TAF1C: variants seen among roughly 807,000 people sequenced by gnomAD.
The protein encoded by TAF1C is TATA-box binding protein associated factor, RNA polymerase I subunit C, also known as TATA box-binding protein-associated factor RNA polymerase I subunit C.
Under a neutral mutation model 70.5 loss-of-function variants are expected in TAF1C, and 79 were observed. The ratio of observed to expected loss-of-function variants is 1.12; its 90% CI spans 0.93 to 1.35. The LOEUF (loss-of-function observed/expected upper bound fraction) is 1.35. Ranked by LOEUF, TAF1C falls within the 40% of genes most tolerant of loss-of-function variation. The pLI, the probability that TAF1C is intolerant of heterozygous loss-of-function variation, is 0.00. For synonymous variants in TAF1C, 614 were observed against 491.1 expected, an observed-to-expected ratio of 1.25 and a Z score of -3.31; for missense variants, 1,412 against 1,127.8, an observed-to-expected ratio of 1.25 and a Z score of -3.61.
intron 1 of TAF1C, among the ~76,000 whole-genome samples, chr16:84,186,656 C>T (rs529445872): frequency 6.6e-6 from 1 of 152,360 alleles, no homozygotes; most frequent in Admixed American, 6.5e-5. Context: ...CCACAAAAGC[C>T]CTCAGACAAG....
At position 84,183,284 on chromosome 16, in the gene TAF1C, C is replaced by T; in HGVS notation, c.368G>A (p.Gly123Glu). The change falls in exon 5 of 15, where the codon GGG becomes GAG. Residue 123 changes from glycine (G) to glutamate (E), a missense_variant. Physicochemically the swap from Gly to Glu is moderately conservative, Grantham distance 98. Transcript: ENST00000566732. ...CTTGAAATTCTCCAGCATCAGCTTCCCCAGGGGCGCAAAGGCTACGTCTCC... is the reference window on the plus strand; with the variant it reads ...CTTGAAATTCTCCAGCATCAGCTTCTCCAGGGGCGCAAAGGCTACGTCTCC... ...DHGDVAFAPL[G>E]KLMLENFKLE... 1 of 1,614,008 alleles carries T rather than the reference C, an allele frequency of 6.2e-7. No individual in the cohort carries two copies. Among genetic ancestry groups the T allele is most frequent in the African/African-American group, 1.3e-5 (1 of 75,044 alleles).
rs1332373590 is a variant in TAF1C, at chr16:84,180,346, T to C, written c.1309-2A>G. On this transcript the variant is annotated splice_acceptor_variant, in intron 12 of 14. Coordinates refer to ENST00000566732, the MANE Select transcript of TAF1C (RefSeq NM_001243156.2). LOFTEE classifies it high-confidence loss of function. ...CTCGTCCACTAGGTAGAGAGAGAAC[T>C]GGGGCCCGAGAAGGAAGGGGGATGT... The C allele has an allele frequency of 2.5e-5, 39 of 1,538,632 alleles. No homozygotes were observed. Among genetic ancestry groups the C allele is most frequent in the Non-Finnish European group, 3.2e-5 (37 of 1,145,536 alleles).
intron 1 of TAF1C, 91 bp downstream of exon 1, chr16:84,186,810 G>A (rs1419169447): frequency 2.0e-5 from 3 of 152,284 alleles, no homozygotes; most frequent in Non-Finnish European, 4.4e-5. Flanking sequence ...GCGGGGACTG[G>A]GGATTGGGGG....
rs1429746826 is a variant in TAF1C, at chr16:84,180,264, C to T, written c.1389G>A (p.Leu463=). ...KWNHGLPSPL[L]LARLLPPPRP... Reference sequence around the variant, plus strand: ...GGGGCGGAGGCAGCAGTCGGGCCAGCAGGAGCGGGGAGGGGAGGCCATGGT... The same window carrying T: ...GGGGCGGAGGCAGCAGTCGGGCCAGTAGGAGCGGGGAGGGGAGGCCATGGT... Residue 463 remains leucine (L), a synonymous_variant, in exon 13 of 15, where the codon CTG becomes CTA. Coordinates refer to ENST00000566732, the MANE Select transcript of TAF1C (RefSeq NM_001243156.2). 5 of 1,546,956 alleles carry T rather than the reference C, an allele frequency of 3.2e-6. No homozygotes were observed. Among genetic ancestry groups the T allele is most frequent in the East Asian group, 2.4e-5 (1 of 41,176 alleles).
In TAF1C at chr16:84,179,372, C is replaced by G; in HGVS notation, c.2101G>C (p.Gly701Arg). The G allele has an allele frequency of 6.3e-7, 1 of 1,599,752 alleles. No homozygotes were observed. The highest frequency in any genetic ancestry group is 8.5e-7 in the Non-Finnish European group (1 of 1,178,596). Residue 701 changes from glycine to arginine, a missense_variant, in exon 15 of 15, where the codon GGC becomes CGC. Transcript: ENST00000566732. ...LSERLGEAWAGRGAAWWERQQ... is the reference protein window; with the variant it reads ...LSERLGEAWARRGAAWWERQQ... ...CTCTCCCACCAGGCAGCCCCTCGGC[C>G]TGCCCAGGCTTCCCCCAGGCGCTCA...
chr16:84,180,763 C>T, intron 12 of TAF1C: 1 of 1,310,972 alleles, frequency 7.6e-7, no homozygotes, highest in Non-Finnish European at 9.8e-7. Flanking sequence ...AACTCTCCAG[C>T]TCTGCACGGA....
Position 84,182,031 on chromosome 16 carries a change from C to T in TAF1C, c.749G>A (p.Gly250Asp). 1 of 1,613,468 alleles carries T rather than the reference C, an allele frequency of 6.2e-7. No individual in the cohort carries two copies. Among genetic ancestry groups the T allele is most frequent in the South Asian group, 1.1e-5 (1 of 91,088 alleles). Residue 250 changes from glycine (G) to aspartate (D), a missense_variant, in exon 8 of 15, where the codon GGT (glycine) becomes GAT (aspartate). Physicochemically the swap from Gly to Asp is moderately conservative, Grantham distance 94 (BLOSUM62 -1). Coordinates refer to ENST00000566732, the MANE Select transcript of TAF1C (RefSeq NM_001243156.2). This position sits in a 1 kb window ranked among gnomAD's most constrained non-coding sequence, Gnocchi z 5.0. Reference sequence around the variant, plus strand: ...TTTCCCAAGGAATTGGGGATTGTCACCTGGGGTCAGAACGACCTCTTGGAA... The same window carrying T: ...TTTCCCAAGGAATTGGGGATTGTCATCTGGGGTCAGAACGACCTCTTGGAA... Reference protein sequence around the residue: ...LHFQEVVLTPGDNPQFLGKPG... With the variant: ...LHFQEVVLTPDDNPQFLGKPG...
rs1419404927 is a variant in TAF1C, at chr16:84,182,961, C to T, written c.482+115G>A. Reference sequence around the variant, plus strand: ...GTATAAGAAAGTACAGCTCAGACTGCATGGAGCAGGGGGGAAGTGGGTATG... The same window carrying T: ...GTATAAGAAAGTACAGCTCAGACTGTATGGAGCAGGGGGGAAGTGGGTATG... On this transcript the variant is annotated intron_variant, in intron 6 of 14. Transcript: ENST00000566732. The surrounding 1 kb of genome is among the most constrained non-coding windows in gnomAD (Gnocchi z 5.0). The T allele has an allele frequency of 2.0e-6, 2 of 1,024,144 alleles. No homozygotes were observed. Among genetic ancestry groups the T allele is most frequent in the African/African-American group, 3.1e-5 (2 of 63,766 alleles). 63.4% of individuals were successfully genotyped at this position (1,024,144 alleles called of 1,614,324 possible).
chr16:84,178,670 G>A lies in TAF1C; in HGVS notation c.*271C>T, dbSNP rs1345237183. 2 of 518,224 alleles carry A rather than the reference G, an allele frequency of 3.9e-6. No individual in the cohort carries two copies. Among genetic ancestry groups the A allele is most frequent in the Non-Finnish European group, 7.0e-6 (2 of 287,214 alleles). The allele number at this position is 518,224 out of a possible 1,614,324, so 32.1% of individuals were successfully genotyped here. On this transcript the variant is annotated 3_prime_UTR_variant, in exon 15 of 15. Coordinates refer to ENST00000566732, the MANE Select transcript of TAF1C (RefSeq NM_001243156.2). The stretch of plus-strand genomic sequence containing the variant: ...CAGCGGAGCCCTGCCTCCCAGCACA[G>A]ACTAAAATCCCAGCAACACAGGCCC...
Position 84,179,729 on chromosome 16 carries a change from G to T in TAF1C, c.1744C>A (p.Arg582Ser), listed in dbSNP as rs1009816788. 1.2e-6 allele frequency: 2 copies of T among 1,611,850 alleles called. No homozygotes were observed. Among genetic ancestry groups the T allele is most frequent in the Non-Finnish European group, 1.7e-6 (2 of 1,179,728 alleles). The change falls in exon 15 of 15, where the codon CGC becomes AGC. Residue 582 changes from arginine to serine, a missense_variant. Transcript: ENST00000566732. ...TCGCCAGGAGGCCCAGCATCTCTGC[G>T]GAGGCTGGAGTCCACCTGGGGGCGG... ...QLRPQVDSSL[R>S]RDAGPPGDTQ... is the part of the protein sequence containing the mutation.
intron 1 of TAF1C, among the ~76,000 whole-genome samples, chr16:84,186,445 C>T (rs756468580): frequency 2.0e-5 from 3 of 152,094 alleles, no homozygotes; most frequent in Admixed American, 6.5e-5. Context: ...TCGCAACTAC[C>T]GAGGAGGCTG....
intron 1 of TAF1C, among the ~76,000 whole-genome samples, chr16:84,186,657 C>A (rs967804929): frequency 9.9e-5 from 15 of 152,258 alleles, no homozygotes; most frequent in African/African-American, 3.6e-4. Context: ...CACAAAAGCC[C>A]TCAGACAAGG....
In TAF1C at chr16:84,180,531, A is replaced by ATT. The variant is rs1270428174; in HGVS notation, c.1309-189_1309-188dup. The stretch of plus-strand genomic sequence containing the variant: ...TGAACAGGTGCCGCTTCCTTCACCA[A>ATT]TTCTGACCGACAGTCCGGTGGACAG... On this transcript the variant is annotated intron_variant, in intron 12 of 14. Transcript: ENST00000566732. 16 of 643,802 alleles carry ATT rather than the reference A, an allele frequency of 2.5e-5. 1 individual carries two copies. The highest frequency in any genetic ancestry group is 9.4e-5 in the East Asian group (3 of 32,056). The allele number at this position is 643,802 out of a possible 1,614,324, so 39.9% of individuals were successfully genotyped here. A position where few individuals can be genotyped will look rare whatever the true frequency, so the allele number is the denominator to read the frequency against.
At chr16:84,180,923 G>A (rs1332649174) in intron 12 of TAF1C, 120 bp downstream of exon 12, 1 of 1,450,164 alleles carries the variant, frequency 6.9e-7, no homozygotes, top group Non-Finnish European at 9.1e-7. Flanking sequence ...TTCATCCAGG[G>A]TTGAGTTTGG....
rs2088833834 is a variant in TAF1C at position 84,177,983 on chromosome 16, G to A, written c.*958C>T. The A allele has an allele frequency of 1.3e-6, 1 of 747,610 alleles. No individual in the cohort carries two copies. Among genetic ancestry groups the A allele is most frequent in the Non-Finnish European group, 2.3e-6 (1 of 430,800 alleles). The allele number at this position is 747,610 out of a possible 1,614,324, so 46.3% of individuals were successfully genotyped here. On this transcript the variant is annotated 3_prime_UTR_variant, in exon 15 of 15. Coordinates refer to ENST00000566732, the MANE Select transcript of TAF1C (RefSeq NM_001243156.2). Reference sequence around the variant, plus strand: ...GAGTCACATGCAATTCCTTTCACCAGCCAACCTGAAAAAAGACCTTTCTCT... The same window carrying A: ...GAGTCACATGCAATTCCTTTCACCAACCAACCTGAAAAAAGACCTTTCTCT...
At chr16:84,180,490 C>A in intron 12 of TAF1C, 146 bp from the exon 13 acceptor site, 2 of 829,562 alleles carry the variant, frequency 2.4e-6, no homozygotes, top group Non-Finnish European at 3.6e-6. Flanking sequence ...GCCTCTCAGA[C>A]TTCACCTGCC....
Position 84,178,706 on chromosome 16 carries a change from C to T in TAF1C, c.*235G>A. 1.7e-6 allele frequency: 1 copy of T among 579,146 alleles called. No homozygotes were observed. The highest frequency in any genetic ancestry group is 3.0e-6 in the Non-Finnish European group (1 of 328,692). The allele number at this position is 579,146 out of a possible 1,614,324, so 35.9% of individuals were successfully genotyped here. ...CAGCAACACAGGCCCACCGGCACCT[C>T]CAGCCTGCCTTGCGGGATGATCTTC... On this transcript the variant is annotated 3_prime_UTR_variant, in exon 15 of 15. Transcript: ENST00000566732.
intron 12 of TAF1C, chr16:84,180,751 G>T: frequency 1.6e-6 from 2 of 1,273,636 alleles, no homozygotes; most frequent in Non-Finnish European, 2.0e-6. Context: ...CTGCACAGCA[G>T]AAACTCTCCA....
chr16:84,179,807 C>G lies in TAF1C; in HGVS notation c.1666G>C (p.Gly556Arg). ...GCCGAGAGCTGGAAGAGCACCAGGC[C>G]TGGTGTGGGCGCTGAGGGCAAGGGC... The part of the protein sequence containing the change: ...VPPLPSAPTP[G>R]LVLFQLSAAG... The change falls in exon 15 of 15, where the codon GGC becomes CGC. Residue 556 changes from glycine (G) to arginine (R), a missense_variant. Physicochemically the swap from Gly to Arg is moderately radical, Grantham distance 125. Transcript: ENST00000566732. 1 of 1,610,126 alleles carries G rather than the reference C, an allele frequency of 6.2e-7. No homozygotes were observed. Among genetic ancestry groups the G allele is most frequent in the Non-Finnish European group, 8.5e-7 (1 of 1,178,584 alleles).
Sources: gnomAD v4.1 joint callset for allele counts (sites outside exome capture counted in the v4.1 genomes callset) on GRCh38, gnomAD v4.1.1 for gene constraint, Gnocchi (gnomAD v3.1) non-coding constraint, MANE v1.5 for transcripts, NCBI Gene and HGNC (gene_info 2026-07-23, HGNC 2026-07-21) for gene names.